PTPRG: variants seen among roughly 807,000 people sequenced by gnomAD.
PTPRG encodes the protein protein tyrosine phosphatase receptor type G.
PTPRG carries 102 observed loss-of-function variants against 165.3 expected under a neutral mutation model. That is an observed-to-expected ratio of 0.62 (90% CI 0.53 to 0.73). The LOEUF is 0.73. PTPRG is among the 30% of genes least tolerant of loss of function. The pLI is 0.00. For missense variants in PTPRG, 1,866 were observed against 1,861.4 expected (o/e 1.00, Z -0.05); for synonymous variants, 675 against 669.5 (o/e 1.01, Z -0.13).
At chr3:61,732,147 A>G (rs2032525574) in intron 1 of PTPRG, among the ~76,000 whole-genome samples, 1 of 152,206 alleles carries the variant, frequency 6.6e-6, no homozygotes, top group South Asian at 2.1e-4. Context: ...CATAAAAAGT[A>G]AAAAGAAACA....
rs199962984 is a variant in PTPRG, at chr3:61,592,652, T to TC, written c.85+30280_85+30281insC. The stretch of plus-strand genomic sequence containing the variant: ...CTTTTTCTTTCTTTCTTTCTTTCTT[T>TC]TTTTTTTTTTTTAAGAAAGGGGGTG... On this transcript the variant is annotated intron_variant, in intron 1 of 29. Transcript: ENST00000474889. Among the ~76,000 whole-genome samples, 1,398 of 141,138 alleles carry TC rather than the reference T, an allele frequency of 9.9e-3. 11 individuals are homozygous for TC. Among genetic ancestry groups the TC allele is most frequent in the Non-Finnish European group, 0.016 (983 of 62,752 alleles). The allele number at this position is 141,138 out of a possible 152,430, so 92.6% of individuals were successfully genotyped here.
intron 4 of PTPRG, among the ~76,000 whole-genome samples, chr3:62,074,090 T>A (rs1701295336): frequency 6.6e-6 from 1 of 152,102 alleles, no homozygotes; most frequent in Non-Finnish European, 1.5e-5. Flanking sequence ...AGAATGTCCT[T>A]ATTCTTAGAA....
At chr3:61,598,842 G>C (rs536848203) in intron 1 of PTPRG, among the ~76,000 whole-genome samples, 20 of 152,096 alleles carry the variant, frequency 1.3e-4, no homozygotes, top group African/African-American at 4.6e-4. Flanking sequence ...TCTTTGGCCC[G>C]CGGAAGCACC....
intron 4 of PTPRG, among the ~76,000 whole-genome samples, chr3:62,063,766 A>T (rs1460957079): frequency 6.6e-6 from 1 of 151,982 alleles, no homozygotes; most frequent in Admixed American, 6.6e-5. Context: ...TCCTCCCAAA[A>T]TGCTGGGATT....
chr3:61,860,745 A>G (rs941387643), intron 2 of PTPRG, among the ~76,000 whole-genome samples: 1 of 152,068 alleles, frequency 6.6e-6, no homozygotes, highest in East Asian at 1.9e-4. Flanking sequence ...CGCCTAGCCC[A>G]TTTTTTAAAA....
At chr3:62,070,755 CTG>C (rs1175660434) in intron 4 of PTPRG, among the ~76,000 whole-genome samples, 1 of 152,174 alleles carries the variant, frequency 6.6e-6, no homozygotes, top group Non-Finnish European at 1.5e-5. Context: ...GGCAGATTCA[CTG>C]TGTTTGGATG....
chr3:61,572,175 C>T (rs1471674251), intron 1 of PTPRG, among the ~76,000 whole-genome samples: 3 of 152,134 alleles, frequency 2.0e-5, no homozygotes, highest in South Asian at 2.1e-4. Context: ...ACGGATTATC[C>T]TGAGGGAGTA....
chr3:61,864,190 A>G (rs891459456), intron 2 of PTPRG, among the ~76,000 whole-genome samples: 13 of 152,158 alleles, frequency 8.5e-5, no homozygotes, highest in Non-Finnish European at 1.3e-4. Flanking sequence ...GTCATGGATA[A>G]TTCTCAATAA....
At chr3:62,072,915 A>G (rs1169484706) in intron 4 of PTPRG, among the ~76,000 whole-genome samples, 3 of 152,218 alleles carry the variant, frequency 2.0e-5, no homozygotes, top group Admixed American at 2.0e-4. Context: ...TTCTAGGGAT[A>G]GGGCAGGGAA....
chr3:61,633,892 G>A (rs1018946207), intron 1 of PTPRG, among the ~76,000 whole-genome samples: 2 of 149,804 alleles, frequency 1.3e-5, no homozygotes, highest in South Asian at 2.1e-4. Context: ...CTAGTTTGTC[G>A]AGTGGTTTTT....
chr3:61,986,968 A>C, intron 2 of PTPRG, among the ~76,000 whole-genome samples: 1 of 152,152 alleles, frequency 6.6e-6, no homozygotes, highest in East Asian at 1.9e-4. Flanking sequence ...TGTGAAAAAC[A>C]AAGCATTCAA....
chr3:61,801,828 G>C (rs1344093972), intron 2 of PTPRG, among the ~76,000 whole-genome samples: 1 of 152,102 alleles, frequency 6.6e-6, no homozygotes, highest in African/African-American at 2.4e-5. Context: ...GACCCGCCTG[G>C]CCAACATGGT....
chr3:61,816,487 G>A (rs1301546132), intron 2 of PTPRG, among the ~76,000 whole-genome samples: 1 of 152,142 alleles, frequency 6.6e-6, no homozygotes, highest in Non-Finnish European at 1.5e-5. Flanking sequence ...AGCCAGGATT[G>A]CGCCACTGCA....
intron 2 of PTPRG, among the ~76,000 whole-genome samples, chr3:61,821,396 C>G (rs1337682341): frequency 2.0e-5 from 3 of 152,174 alleles, no homozygotes; most frequent in Admixed American, 6.5e-5. Context: ...GTCTCTATCT[C>G]CTGACCTCGT....
intron 15 of PTPRG, among the ~76,000 whole-genome samples, chr3:62,250,524 T>C (rs1279767872): frequency 6.6e-6 from 1 of 152,198 alleles, no homozygotes; most frequent in Non-Finnish European, 1.5e-5. Flanking sequence ...GAAAGCTGTT[T>C]CTCTTTTTAT....
intron 2 of PTPRG, among the ~76,000 whole-genome samples, chr3:61,772,058 T>TTA (rs1289053145): frequency 6.5e-4 from 42 of 64,820 alleles, no homozygotes; most frequent in African/African-American, 2.6e-3. Flanking sequence ...AGACTCTGTC[T>TTA]AAAAAAAAAA....
intron 1 of PTPRG, among the ~76,000 whole-genome samples, chr3:61,629,777 T>G (rs568156825): frequency 6.6e-6 from 1 of 152,216 alleles, no homozygotes; most frequent in Non-Finnish European, 1.5e-5. Context: ...TATGGCATTT[T>G]TGAAGTCATA....
intron 28 of PTPRG, among the ~76,000 whole-genome samples, chr3:62,288,174 T>C (rs544103999): frequency 3.8e-4 from 55 of 144,444 alleles, no homozygotes; most frequent in African/African-American, 1.4e-3. Flanking sequence ...GTGTAAACTC[T>C]ACATATTAGA....
At position 62,255,725 on chromosome 3, in the gene PTPRG, G is replaced by A. The variant is rs1423847062; in HGVS notation, c.2559+510G>A. Among the ~76,000 whole-genome samples the A allele has an allele frequency of 6.6e-6, 1 of 152,074 alleles. No homozygotes were observed. The highest frequency in any genetic ancestry group is 6.6e-5 in the Admixed American group (1 of 15,252). ...CCAATGTCACCTACATTGTAACGTC[G>A]TTGGAAAAATAAATGATTAACATCT... On this transcript the variant is annotated intron_variant, in intron 16 of 29. Coordinates refer to ENST00000474889, the MANE Select transcript of PTPRG (RefSeq NM_002841.4). This position sits in a 1 kb window ranked among gnomAD's most constrained non-coding sequence, Gnocchi z 4.0.
Sources: allele counts gnomAD v4.1 joint callset (sites outside exome capture counted in the v4.1 genomes callset), GRCh38; gene constraint gnomAD v4.1.1; non-coding constraint Gnocchi (gnomAD v3.1); transcripts MANE v1.5; gene names NCBI Gene and HGNC (gene_info 2026-07-23, HGNC 2026-07-21).